The following SNX24 variants were observed in gnomAD, a reference collection of about 807,000 sequenced individuals.
SNX24 encodes the protein sorting nexin-24.
SNX24 carries 22 observed loss-of-function variants against 28.7 expected under a neutral mutation model. The observed-to-expected ratio is 0.77, with a 90% confidence interval of 0.55 to 1.10. The LOEUF is 1.10. SNX24 is among the 50% of genes least tolerant of loss of function. The pLI, the probability that SNX24 is intolerant of heterozygous loss-of-function variation, is 0.00. For missense variants in SNX24, 221 were observed against 201.1 expected, an observed-to-expected ratio of 1.10 and a Z score of -0.60; for synonymous variants, 69 against 71.5, an observed-to-expected ratio of 0.96 and a Z score of 0.18.
chr5:122,868,314 G>C (rs1224684462), intron 1 of SNX24, among the ~76,000 whole-genome samples: 1 of 152,034 alleles, frequency 6.6e-6, no homozygotes, highest in Non-Finnish European at 1.5e-5. Flanking sequence ...TAGCTTGATG[G>C]GTCAGATAAC....
At chr5:122,896,134 C>T (rs1757191497) in intron 1 of SNX24, among the ~76,000 whole-genome samples, 1 of 152,158 alleles carries the variant, frequency 6.6e-6, no homozygotes, top group Admixed American at 6.5e-5. Flanking sequence ...GGCAACAGAG[C>T]AAGGCTCCAT....
chr5:122,985,735 GA>G (rs1341342138), intron 3 of SNX24, among the ~76,000 whole-genome samples: 1 of 152,222 alleles, frequency 6.6e-6, no homozygotes, highest in Non-Finnish European at 1.5e-5. Flanking sequence ...TTCCAAAGCA[GA>G]GCATTCCATG....
In SNX24 at chr5:123,009,081, G is replaced by A; in HGVS notation, c.*1332G>A. ...ATGATAGATTCTGTACTACATGTGG[G>A]AAACAAGCAAGAACTAAATAATCAA... On this transcript the variant is annotated 3_prime_UTR_variant, in exon 7 of 7. Transcript: ENST00000261369. The A allele has an allele frequency of 1.0e-6, 1 of 985,580 alleles. No individual in the cohort carries two copies. The highest frequency in any genetic ancestry group is 1.2e-6 in the Non-Finnish European group (1 of 829,712). 61.1% of individuals were successfully genotyped at this position (985,580 alleles called of 1,614,324 possible).
chr5:122,935,476 G>T (rs967726210), intron 1 of SNX24, among the ~76,000 whole-genome samples: 5 of 152,076 alleles, frequency 3.3e-5, no homozygotes, highest in African/African-American at 9.7e-5. Context: ...TATTTATTCA[G>T]GGGTATTTCT....
chr5:123,028,731 A>G (rs1762898760), intron 5 of SNX24: 3 of 1,505,866 alleles, frequency 2.0e-6, no homozygotes, highest in Non-Finnish European at 2.8e-6. Flanking sequence ...TTAACCTTAG[A>G]TTTCGGTTTG....
chr5:122,909,875 T>C (rs543932691), intron 1 of SNX24, among the ~76,000 whole-genome samples: 1 of 152,310 alleles, frequency 6.6e-6, no homozygotes, highest in Non-Finnish European at 1.5e-5. Context: ...GATCTTGTAG[T>C]AATGACAAGA....
At chr5:122,959,916 A>T (rs536814177) in intron 3 of SNX24, among the ~76,000 whole-genome samples, 2 of 152,314 alleles carry the variant, frequency 1.3e-5, no homozygotes, top group African/African-American at 4.8e-5. Flanking sequence ...AAAGAATAGC[A>T]GAATCTCTGA....
intron 1 of SNX24, among the ~76,000 whole-genome samples, chr5:122,915,895 G>T (rs1296521935): frequency 6.6e-6 from 1 of 152,124 alleles, no homozygotes; most frequent in Non-Finnish European, 1.5e-5. Context: ...CATATCCACC[G>T]TCAACTCCCC....
intron 1 of SNX24, among the ~76,000 whole-genome samples, chr5:122,855,590 G>T (rs1304227554): frequency 6.6e-6 from 1 of 152,112 alleles, no homozygotes; most frequent in Non-Finnish European, 1.5e-5. Context: ...AGACTAGCCT[G>T]GGCAACCTCA....
At chr5:122,919,491 G>A (rs576891658) in intron 1 of SNX24, among the ~76,000 whole-genome samples, 2 of 151,868 alleles carry the variant, frequency 1.3e-5, no homozygotes, top group Non-Finnish European at 2.9e-5. Context: ...AAAAAGAAAC[G>A]TGTGCAGGAA....
At chr5:123,001,669 G>C (rs1016287048) in intron 5 of SNX24, among the ~76,000 whole-genome samples, 1 of 152,136 alleles carries the variant, frequency 6.6e-6, no homozygotes, top group Non-Finnish European at 1.5e-5. Context: ...ATCAACAATC[G>C]TATTACAAGA....
intron 3 of SNX24, among the ~76,000 whole-genome samples, chr5:122,962,505 C>A (rs969648585): frequency 1.3e-5 from 2 of 152,080 alleles, no homozygotes; most frequent in African/African-American, 4.8e-5. Flanking sequence ...TAAAGGAAAA[C>A]AGTACACTCT....
At chr5:122,920,247 A>G (rs942063377) in intron 1 of SNX24, among the ~76,000 whole-genome samples, 3 of 152,188 alleles carry the variant, frequency 2.0e-5, no homozygotes, top group African/African-American at 7.2e-5. Context: ...TTGGAATTTA[A>G]ATTTGTTAGA....
chr5:122,895,796 A>C (rs1358472134), intron 1 of SNX24, among the ~76,000 whole-genome samples: 2 of 152,236 alleles, frequency 1.3e-5, no homozygotes, highest in East Asian at 3.8e-4. Context: ...TTCACTTGGA[A>C]ACAAAGGAAA....
chr5:123,001,971 C>T lies in SNX24; in HGVS notation c.409C>T (p.Leu137Phe), dbSNP rs1056688436. Residue 137 changes from leucine (L) to phenylalanine (F), a missense_variant, in exon 6 of 7, where the codon CTC becomes TTC. Coordinates refer to ENST00000261369, the MANE Select transcript of SNX24 (RefSeq NM_014035.4). Reference protein sequence around the residue: ...KLSHQPVLLFLRDPYVLPAAS... With the variant: ...KLSHQPVLLFFRDPYVLPAAS... ...GTCCCACCAGCCTGTGCTGCTGTTCCTCAGGGATCCATATGTCTTGCCTGC... is the reference window on the plus strand; with the variant it reads ...GTCCCACCAGCCTGTGCTGCTGTTCTTCAGGGATCCATATGTCTTGCCTGC... 6.2e-7 allele frequency: 1 copy of T among 1,614,194 alleles called. No individual in the cohort carries two copies. Among genetic ancestry groups the T allele is most frequent in the Non-Finnish European group, 8.5e-7 (1 of 1,180,012 alleles).
intron 1 of SNX24, among the ~76,000 whole-genome samples, chr5:122,890,106 GT>G (rs1184714655): frequency 1.3e-5 from 2 of 152,072 alleles, no homozygotes; most frequent in Non-Finnish European, 1.5e-5. Context: ...TCGTCTGATG[GT>G]TCCTTATAGT....
intron 3 of SNX24, among the ~76,000 whole-genome samples, chr5:122,995,430 G>A (rs1462633565): frequency 1.3e-5 from 2 of 152,146 alleles, no homozygotes; most frequent in Admixed American, 6.5e-5. Context: ...TTCATTGCTT[G>A]CCTCTAGCTC....
chr5:122,997,452 GA>G (rs1386411839), intron 3 of SNX24, among the ~76,000 whole-genome samples: 1 of 152,180 alleles, frequency 6.6e-6, no homozygotes, highest in Non-Finnish European at 1.5e-5. Flanking sequence ...TCTGTTTGGG[GA>G]AGCTGAGCAG....
At chr5:122,954,252 TTC>T (rs2076946784) in intron 3 of SNX24, among the ~76,000 whole-genome samples, 2 of 151,946 alleles carry the variant, frequency 1.3e-5, no homozygotes, top group South Asian at 4.2e-4. Context: ...GTGTTAAGTA[TTC>T]TGTTTATTAA....
Sources: allele counts gnomAD v4.1 joint callset (sites outside exome capture counted in the v4.1 genomes callset), GRCh38; gene constraint gnomAD v4.1.1; transcripts MANE v1.5; gene names NCBI Gene and HGNC (gene_info 2026-07-23, HGNC 2026-07-21).